Variants in GALNTL6 observed in about 807,000 individuals in gnomAD.
GALNTL6 encodes the protein polypeptide N-acetylgalactosaminyltransferase-like 6.
Under a neutral mutation model 73.7 loss-of-function variants are expected in GALNTL6, and 46 were observed. The ratio of observed to expected loss-of-function variants is 0.62; its 90% confidence interval spans 0.49 to 0.80. GALNTL6 has a LOEUF of 0.80. GALNTL6 is among the 30% of genes least tolerant of loss of function. The pLI, the probability that GALNTL6 is intolerant of heterozygous loss-of-function variation, is 0.00. For missense variants in GALNTL6, 604 were observed against 755.0 expected (o/e 0.80, Z 2.34); for synonymous variants, 259 against 263.7 (o/e 0.98, Z 0.17).
chr4:172,160,797 A>G lies in GALNTL6; in HGVS notation c.139-68859A>G, dbSNP rs184052503. On this transcript the variant is annotated intron_variant, in intron 2 of 12. Transcript: ENST00000506823. The stretch of plus-strand genomic sequence containing the variant: ...TAAATAGGTATGCATATATATACAT[A>G]TATATAAAGAAACAGAGGGCACATA... Among the ~76,000 whole-genome samples the G allele has an allele frequency of 1.9e-3, 290 of 151,824 alleles. 1 individual carries two copies. The highest frequency in any genetic ancestry group is 6.6e-3 in the African/African-American group (273 of 41,448).
intron 2 of GALNTL6, among the ~76,000 whole-genome samples, chr4:172,027,170 A>G (rs1046431274): frequency 3.9e-5 from 6 of 152,256 alleles, no homozygotes; most frequent in African/African-American, 7.2e-5. Flanking sequence ...TTCTGTGATT[A>G]TAGTGCAAAG....
At chr4:172,599,885 TGA>T (rs1227505595) in intron 5 of GALNTL6, among the ~76,000 whole-genome samples, 1 of 152,128 alleles carries the variant, frequency 6.6e-6, no homozygotes, top group Non-Finnish European at 1.5e-5. Flanking sequence ...TGCCAGCTGA[TGA>T]GAGTGTATAA....
chr4:171,853,868 T>A (rs1056465277), intron 2 of GALNTL6, among the ~76,000 whole-genome samples: 2 of 152,052 alleles, frequency 1.3e-5, no homozygotes, highest in Non-Finnish European at 2.9e-5. Flanking sequence ...CACATCGGCC[T>A]CCAAAAGTGC....
intron 5 of GALNTL6, among the ~76,000 whole-genome samples, chr4:172,369,472 G>A (rs1297561490): frequency 6.6e-6 from 1 of 152,182 alleles, no homozygotes; most frequent in Non-Finnish European, 1.5e-5. Flanking sequence ...GTCCCACACT[G>A]CACTCCTCAG....
chr4:172,610,492 T>C (rs1433732614), intron 5 of GALNTL6, among the ~76,000 whole-genome samples: 1 of 152,128 alleles, frequency 6.6e-6, no homozygotes, highest in Non-Finnish European at 1.5e-5. Context: ...CATACAATTG[T>C]ATAATTTTGA....
chr4:172,984,500 C>T (rs939959221), intron 10 of GALNTL6, among the ~76,000 whole-genome samples: 18 of 152,178 alleles, frequency 1.2e-4, no homozygotes, highest in African/African-American at 4.1e-4. Context: ...TTTTGGGGGG[C>T]GGGGAGCACA....
intron 6 of GALNTL6, among the ~76,000 whole-genome samples, chr4:172,812,038 ATGGATGGAT>A: frequency 6.6e-6 from 1 of 151,724 alleles, no homozygotes; most frequent in Non-Finnish European, 1.5e-5. Flanking sequence ...GGATGGATGG[ATGGATGGAT>A]GGATGGATGG....
chr4:171,989,546 G>C (rs1426736819), intron 2 of GALNTL6, among the ~76,000 whole-genome samples: 2 of 152,214 alleles, frequency 1.3e-5, no homozygotes, highest in Non-Finnish European at 2.9e-5. Context: ...CTGCGGTTCA[G>C]GTGTTTGGAG....
chr4:172,998,572 C>CA (rs1380459771), intron 10 of GALNTL6, among the ~76,000 whole-genome samples: 1 of 152,116 alleles, frequency 6.6e-6, no homozygotes, highest in Non-Finnish European at 1.5e-5. Context: ...GTCCTCTTGG[C>CA]AATCTGTCTT....
chr4:172,054,109 C>T (rs77479195), intron 2 of GALNTL6, among the ~76,000 whole-genome samples: 10,116 of 151,984 alleles, frequency 0.067, 362 homozygotes, highest in South Asian at 0.092. Context: ...TTCTTTCTAA[C>T]GCTACACTTT....
rs558382670 is a variant in GALNTL6 at position 172,028,286 on chromosome 4, G to GA, written c.139-201361dup. Among the ~76,000 whole-genome samples the GA allele has an allele frequency of 1.0e-4, 15 of 144,090 alleles. No homozygotes were observed. The South Asian group carries it at 1.1e-3, about 11-fold the overall frequency. 94.5% of individuals were successfully genotyped at this position (144,090 alleles called of 152,430 possible). On this transcript the variant is annotated intron_variant, in intron 2 of 12. Transcript: ENST00000506823. The stretch of plus-strand genomic sequence containing the variant: ...GCAATTTATTGTGGTAGTGCGAAAT[G>GA]AAAAAAAAAGTATAAAAACTTCAAA...
chr4:172,209,288 G>T (rs562391068), intron 2 of GALNTL6, among the ~76,000 whole-genome samples: 11 of 152,114 alleles, frequency 7.2e-5, no homozygotes, highest in African/African-American at 2.4e-4. Flanking sequence ...GACAAGCTCA[G>T]TGTATATAGG....
At position 172,900,282 on chromosome 4, in the gene GALNTL6, G is replaced by C. The variant is rs527743417; in HGVS notation, c.1041+17375G>C. Among the ~76,000 whole-genome samples, 3 of 152,180 alleles carry C rather than the reference G, an allele frequency of 2.0e-5. No individual in the cohort carries two copies. The East Asian group carries it at 5.8e-4, about 29-fold the overall frequency. Reference sequence around the variant, plus strand: ...TAAAATTTTAAAGATTATTGTTTTTGAGTTTTAAAAATCAAATAAATTACC... The same window carrying C: ...TAAAATTTTAAAGATTATTGTTTTTCAGTTTTAAAAATCAAATAAATTACC... On this transcript the variant is annotated intron_variant, in intron 8 of 12. Coordinates refer to ENST00000506823, the MANE Select transcript of GALNTL6 (RefSeq NM_001034845.3).
At chr4:172,215,326 A>C (rs1736461837) in intron 2 of GALNTL6, among the ~76,000 whole-genome samples, 1 of 152,124 alleles carries the variant, frequency 6.6e-6, no homozygotes. Flanking sequence ...TACTTGATAT[A>C]TCAATTAATA....
chr4:172,780,449 T>C (rs966245188), intron 5 of GALNTL6, among the ~76,000 whole-genome samples: 9 of 152,202 alleles, frequency 5.9e-5, no homozygotes, highest in African/African-American at 1.7e-4. Context: ...TACACTACTG[T>C]AGCTTTTACA....
intron 2 of GALNTL6, among the ~76,000 whole-genome samples, chr4:172,075,247 A>T (rs1208639347): frequency 6.6e-6 from 1 of 152,062 alleles, no homozygotes; most frequent in Non-Finnish European, 1.5e-5. Context: ...TCCTTTTTAA[A>T]TATTATAGGA....
At chr4:173,007,487 G>C (rs1211762160) in intron 10 of GALNTL6, among the ~76,000 whole-genome samples, 1 of 152,150 alleles carries the variant, frequency 6.6e-6, no homozygotes, top group Admixed American at 6.6e-5. Context: ...CTATCAGGAA[G>C]ATTGGCGAAA....
At chr4:171,916,646 T>G (rs1047274387) in intron 2 of GALNTL6, among the ~76,000 whole-genome samples, 1 of 152,178 alleles carries the variant, frequency 6.6e-6, no homozygotes, top group Non-Finnish European at 1.5e-5. Flanking sequence ...AGTGAGTTAA[T>G]CTATTCAGCG....
At chr4:172,317,998 T>C (rs888138668) in intron 4 of GALNTL6, among the ~76,000 whole-genome samples, 1 of 152,144 alleles carries the variant, frequency 6.6e-6, no homozygotes, top group Admixed American at 6.5e-5. Context: ...AACACTATTC[T>C]AGCCTAGGGC....
Sources: allele counts gnomAD v4.1 joint callset (sites outside exome capture counted in the v4.1 genomes callset), GRCh38; gene constraint gnomAD v4.1.1; transcripts MANE v1.5; gene names NCBI Gene and HGNC (gene_info 2026-07-23, HGNC 2026-07-21).